Variants in BCL7A observed in about 807,000 individuals in gnomAD.
BCL7A encodes the protein B-cell CLL/lymphoma 7 protein family member A.
Under a neutral mutation model 28.4 loss-of-function variants are expected in BCL7A, and 11 were observed. That is an observed-to-expected ratio of 0.39 (90% CI 0.24 to 0.64). BCL7A has a LOEUF of 0.64. Among genes scored for constraint, BCL7A ranks in the 30% least tolerant of loss-of-function variants. The pLI, the probability that BCL7A is intolerant of heterozygous loss-of-function variation, is 0.50. For synonymous variants in BCL7A, 123 were observed against 103.3 expected, an observed-to-expected ratio of 1.19 and a Z score of -1.15; for missense variants, 222 against 274.8, an observed-to-expected ratio of 0.81 and a Z score of 1.36.
chr12:122,048,120 C>A (rs1461276134), intron 4 of BCL7A, among the ~76,000 whole-genome samples: 1 of 152,118 alleles, frequency 6.6e-6, no homozygotes, highest in Admixed American at 6.5e-5. Context: ...TCAGGCTGGT[C>A]TTGAACTCCC....
At chr12:122,023,793 T>A (rs576841247) in intron 1 of BCL7A, among the ~76,000 whole-genome samples, 2 of 152,272 alleles carry the variant, frequency 1.3e-5, no homozygotes, top group East Asian at 1.9e-4. Context: ...CAGCCCCCTC[T>A]ACTGTGGGAT....
chr12:122,030,861 C>A, intron 2 of BCL7A, 80 bp downstream of exon 2: 3 of 1,411,250 alleles, frequency 2.1e-6, no homozygotes, highest in Non-Finnish European at 3.0e-6. Flanking sequence ...TTGTCCACTG[C>A]TACCCACCGT....
At chr12:122,026,393 C>T (rs983649098) in intron 1 of BCL7A, among the ~76,000 whole-genome samples, 5 of 152,016 alleles carry the variant, frequency 3.3e-5, no homozygotes, top group Non-Finnish European at 5.9e-5. Context: ...CAGTGAGCTA[C>T]GATTGTGCCA....
At position 122,059,544 on chromosome 12, in the gene BCL7A, T is replaced by C. The variant is rs1401106268; in HGVS notation, c.*381T>C. 9 of 250,744 alleles carry C rather than the reference T, an allele frequency of 3.6e-5. No individual in the cohort carries two copies. Among genetic ancestry groups the C allele is most frequent in the African/African-American group, 2.0e-4 (9 of 45,906 alleles). The allele number at this position is 250,744 out of a possible 1,614,324, so 15.5% of individuals were successfully genotyped here. Reference sequence around the variant, plus strand: ...TCAGGAACGCTTTTTGGCGGGGCTTTCCACTGTTCAACCGATTCCTTCCGC... The same window carrying C: ...TCAGGAACGCTTTTTGGCGGGGCTTCCCACTGTTCAACCGATTCCTTCCGC... On this transcript the variant is annotated 3_prime_UTR_variant, in exon 6 of 6. Coordinates refer to ENST00000261822, the MANE Select transcript of BCL7A (RefSeq NM_001024808.3). The surrounding 1 kb of genome is among the most constrained non-coding windows in gnomAD (Gnocchi z 4.0).
intron 4 of BCL7A, among the ~76,000 whole-genome samples, chr12:122,051,503 G>T (rs1018514225): frequency 6.6e-6 from 1 of 152,194 alleles, no homozygotes; most frequent in Admixed American, 6.5e-5. Flanking sequence ...TTCCAGCACC[G>T]CAGCGCCCAG....
chr12:122,026,133 G>T (rs536193585), intron 1 of BCL7A, among the ~76,000 whole-genome samples: 2 of 151,560 alleles, frequency 1.3e-5, no homozygotes, highest in African/African-American at 4.8e-5. Context: ...CGGGAGTGGT[G>T]GCAGGCGCCT....
intron 1 of BCL7A, among the ~76,000 whole-genome samples, chr12:122,026,990 A>G (rs1187960058): frequency 6.6e-6 from 1 of 152,172 alleles, no homozygotes; most frequent in African/African-American, 2.4e-5. Flanking sequence ...CCAGAAGCTC[A>G]AGTGTAATGG....
chr12:122,023,058 C>G (rs899294679), intron 1 of BCL7A, among the ~76,000 whole-genome samples: 3 of 152,140 alleles, frequency 2.0e-5, no homozygotes, highest in Non-Finnish European at 4.4e-5. Context: ...GGCGGCCGCG[C>G]GTGGTTTTCG....
intron 1 of BCL7A, among the ~76,000 whole-genome samples, chr12:122,024,187 A>C (rs1007682406): frequency 1.3e-5 from 2 of 152,338 alleles, no homozygotes; most frequent in South Asian, 2.1e-4. Context: ...GTTTGGGGAA[A>C]CAACACATCG....
chr12:122,022,505 G>T (rs1377901405), intron 1 of BCL7A, among the ~76,000 whole-genome samples: 1 of 145,830 alleles, frequency 6.9e-6, no homozygotes, highest in Non-Finnish European at 1.5e-5. Context: ...CCGGGAGGGG[G>T]GCTCGGGGCC....
Position 122,022,087 on chromosome 12 carries a change from G to A in BCL7A, c.-5G>A. 6.4e-7 allele frequency: 1 copy of A among 1,563,040 alleles called. No homozygotes were observed. On this transcript the variant is annotated 5_prime_UTR_variant, in exon 1 of 6. Coordinates refer to ENST00000261822, the MANE Select transcript of BCL7A (RefSeq NM_001024808.3). ...CTCCCCAGCCTCCGTCTCCCCGCCGGAACCATGTCGGGCAGGTCGGTTCGA... is the reference window on the plus strand; with the variant it reads ...CTCCCCAGCCTCCGTCTCCCCGCCGAAACCATGTCGGGCAGGTCGGTTCGA...
At chr12:122,035,263 G>A in intron 2 of BCL7A, 68 bp from the exon 3 acceptor site, 1 of 1,409,572 alleles carries the variant, frequency 7.1e-7, no homozygotes, top group African/African-American at 1.4e-5. Context: ...CACTCCCCAG[G>A]GGCTCTGAGC....
Position 122,039,295 on chromosome 12 carries a change from T to TA in BCL7A, c.271+3877dup, listed in dbSNP as rs138531459. 4.9e-5 allele frequency among the ~76,000 whole-genome samples: 7 copies of TA among 142,698 alleles called. No individual in the cohort carries two copies. In the East Asian group the frequency reaches 1.2e-3, roughly 25 times the overall value. The allele number at this position is 142,698 out of a possible 152,430, so 93.6% of individuals were successfully genotyped here. The stretch of plus-strand genomic sequence containing the variant: ...CTGGGCGACAGAGCAAGACTCAGTC[T>TA]AAAAAAAAATAGATTAAAAAAAAAA... On this transcript the variant is annotated intron_variant, in intron 3 of 5. Coordinates refer to ENST00000261822, the MANE Select transcript of BCL7A (RefSeq NM_001024808.3).
chr12:122,031,603 C>T (rs1435249041), intron 2 of BCL7A, among the ~76,000 whole-genome samples: 2 of 152,224 alleles, frequency 1.3e-5, no homozygotes, highest in Non-Finnish European at 2.9e-5. Flanking sequence ...TGGCTCACCT[C>T]AGAGCTGTGA....
At chr12:122,039,321 A>G (rs1362260571) in intron 3 of BCL7A, among the ~76,000 whole-genome samples, 1 of 147,170 alleles carries the variant, frequency 6.8e-6, no homozygotes, top group Non-Finnish European at 1.5e-5. Context: ...AAAAAAAAAA[A>G]TAATAATAAT....
chr12:122,027,062 C>T, intron 1 of BCL7A, among the ~76,000 whole-genome samples: 1 of 152,100 alleles, frequency 6.6e-6, no homozygotes, highest in Non-Finnish European at 1.5e-5. Flanking sequence ...AGGCGCGGGG[C>T]ACACCCAGGG....
intron 5 of BCL7A, among the ~76,000 whole-genome samples, chr12:122,056,598 C>T (rs918710416): frequency 2.4e-4 from 36 of 152,106 alleles, no homozygotes; most frequent in South Asian, 8.3e-4. Flanking sequence ...GCCAGGAGTT[C>T]GAGACCAGCC....
At chr12:122,028,624 G>A (rs1253193901) in intron 1 of BCL7A, among the ~76,000 whole-genome samples, 1 of 152,088 alleles carries the variant, frequency 6.6e-6, no homozygotes, top group Non-Finnish European at 1.5e-5. Flanking sequence ...TGGTGTCTGG[G>A]GTCCGAGCCC....
At chr12:122,032,579 G>C (rs1014252728) in intron 2 of BCL7A, among the ~76,000 whole-genome samples, 1 of 152,204 alleles carries the variant, frequency 6.6e-6, no homozygotes, top group African/African-American at 2.4e-5. Context: ...GGACCGGGCA[G>C]CTCTAGGCTT....
Sources: gnomAD v4.1 joint callset for allele counts (sites outside exome capture counted in the v4.1 genomes callset) on GRCh38, gnomAD v4.1.1 for gene constraint, Gnocchi (gnomAD v3.1) non-coding constraint, MANE v1.5 for transcripts, NCBI Gene and HGNC (gene_info 2026-07-23, HGNC 2026-07-21) for gene names.